ZNF407: variants seen among roughly 807,000 people sequenced by gnomAD.
The protein encoded by ZNF407 is zinc finger protein 407.
ZNF407 carries 17 observed loss-of-function variants against 131.2 expected under a neutral mutation model. The observed-to-expected ratio is 0.13, with a 90% confidence interval of 0.09 to 0.19. The LOEUF (loss-of-function observed/expected upper bound fraction) is 0.19, where lower values mean the gene tolerates loss of function less well. Among genes scored for constraint, ZNF407 ranks in the 10% least tolerant of loss-of-function variants. ZNF407 has a pLI of 1.00. For missense variants in ZNF407, 2,681 were observed against 2,830.6 expected, an observed-to-expected ratio of 0.95 and a Z score of 1.20; for synonymous variants, 1,156 against 1,062.0, an observed-to-expected ratio of 1.09 and a Z score of -1.72.
At chr18:74,684,696 A>G (rs1177101235) in intron 3 of ZNF407, among the ~76,000 whole-genome samples, 1 of 152,246 alleles carries the variant, frequency 6.6e-6, no homozygotes, top group Non-Finnish European at 1.5e-5. Context: ...AAAACTAAGG[A>G]GTAAACTGAC....
intron 4 of ZNF407, among the ~76,000 whole-genome samples, chr18:74,811,082 C>A (rs1226238592): frequency 6.6e-6 from 1 of 152,136 alleles, no homozygotes; most frequent in East Asian, 1.9e-4. Context: ...TCAGAGTGAA[C>A]AGGCAACCTA....
At chr18:75,050,438 G>A (rs1423689608) in intron 8 of ZNF407, among the ~76,000 whole-genome samples, 1 of 152,200 alleles carries the variant, frequency 6.6e-6, no homozygotes, top group African/African-American at 2.4e-5. Flanking sequence ...CAGAAGACAT[G>A]AGATTCCTGG....
intron 3 of ZNF407, among the ~76,000 whole-genome samples, chr18:74,760,358 T>C (rs1469029219): frequency 6.6e-6 from 1 of 152,196 alleles, no homozygotes; most frequent in African/African-American, 2.4e-5. Context: ...GATTATTACC[T>C]TTTCAGATTT....
At chr18:74,749,953 C>T (rs530424263) in intron 3 of ZNF407, among the ~76,000 whole-genome samples, 2 of 152,186 alleles carry the variant, frequency 1.3e-5, no homozygotes, top group South Asian at 2.1e-4. Flanking sequence ...TTTTCTAAGG[C>T]AGAAGAGAGG....
At chr18:74,856,682 T>C (rs1444496838) in intron 4 of ZNF407, among the ~76,000 whole-genome samples, 1 of 152,212 alleles carries the variant, frequency 6.6e-6, no homozygotes, top group African/African-American at 2.4e-5. Context: ...AAATTTTTCA[T>C]GAAGAGGTTT....
intron 8 of ZNF407, among the ~76,000 whole-genome samples, chr18:74,964,699 A>G (rs990339407): frequency 6.6e-6 from 1 of 150,724 alleles, no homozygotes; most frequent in Non-Finnish European, 1.5e-5. Context: ...CTTTTATTAC[A>G]TACATTTAAT....
At chr18:74,885,499 A>G (rs997526723) in intron 6 of ZNF407, among the ~76,000 whole-genome samples, 3 of 152,214 alleles carry the variant, frequency 2.0e-5, no homozygotes, top group African/African-American at 7.2e-5. Flanking sequence ...TAAAATTTAT[A>G]TGGAAATTCA....
In ZNF407 at chr18:74,634,054, C is replaced by T; in HGVS notation, c.3035C>T (p.Thr1012Ile). 1 of 1,614,044 alleles carries T rather than the reference C, an allele frequency of 6.2e-7. No individual in the cohort carries two copies. The highest frequency in any genetic ancestry group is 1.1e-5 in the South Asian group (1 of 91,078). ...PGDVYSQRDV[T>I]GTGENKCLHC... The stretch of plus-strand genomic sequence containing the variant: ...GATGTGTACTCCCAGAGAGATGTTA[C>T]AGGCACAGGTGAGAATAAGTGTTTG... The change falls in exon 2 of 9, where the codon ACA (threonine) becomes ATA (isoleucine). Residue 1012 changes from threonine (T) to isoleucine (I), a missense_variant. By Grantham distance (89) the Thr-to-Ile change is moderately conservative. This residue lies in a region of ZNF407 where 1,789 missense variants were observed against 1,748.7 expected (regional missense o/e 1.02). Transcript: ENST00000299687.
intron 8 of ZNF407, among the ~76,000 whole-genome samples, chr18:75,038,064 A>G (rs569919095): frequency 4.2e-4 from 64 of 152,368 alleles, no homozygotes; most frequent in African/African-American, 1.5e-3. Context: ...TCAAATCTTA[A>G]CAGAAAATCC....
At chr18:74,728,628 T>C (rs142066772) in intron 3 of ZNF407, among the ~76,000 whole-genome samples, 1 of 152,052 alleles carries the variant, frequency 6.6e-6, no homozygotes, top group Non-Finnish European at 1.5e-5. Flanking sequence ...GAGGGAGAGA[T>C]GTACAGGAAG....
chr18:74,835,579 T>C (rs1053546508), intron 4 of ZNF407, among the ~76,000 whole-genome samples: 10 of 151,718 alleles, frequency 6.6e-5, no homozygotes, highest in South Asian at 2.1e-4. Context: ...AGTAAACTTG[T>C]GGTAGAAGGA....
At chr18:74,736,714 G>A (rs140383980) in intron 3 of ZNF407, among the ~76,000 whole-genome samples, 128 of 152,244 alleles carry the variant, frequency 8.4e-4, no homozygotes, top group Non-Finnish European at 1.4e-3. Flanking sequence ...TGGAAAAGTT[G>A]TGGGGGTTAT....
At chr18:75,021,556 C>T (rs1309458377) in intron 8 of ZNF407, among the ~76,000 whole-genome samples, 1 of 152,086 alleles carries the variant, frequency 6.6e-6, no homozygotes, top group African/African-American at 2.4e-5. Context: ...AGGCATGAGC[C>T]GTCATGCCTG....
chr18:74,915,694 A>AGTGTGT (rs148897853), intron 7 of ZNF407, among the ~76,000 whole-genome samples: 1,052 of 5,834 alleles, frequency 0.18, 385 homozygotes, highest in Middle Eastern at 0.33. Flanking sequence ...TCGAATCGGG[A>AGTGTGT]GTGTGTGTGT....
Position 74,738,194 on chromosome 18 carries a change from G to A in ZNF407, c.4803-43234G>A, listed in dbSNP as rs1968462194. Among the ~76,000 whole-genome samples the A allele has an allele frequency of 3.9e-5, 6 of 152,108 alleles. No individual in the cohort carries two copies. In the South Asian group the frequency reaches 1.2e-3, roughly 32 times the overall value. On this transcript the variant is annotated intron_variant, in intron 3 of 8. Coordinates refer to ENST00000299687, the MANE Select transcript of ZNF407 (RefSeq NM_017757.3). ...CCCAGCACTTTGGGAGGCCGAGGCAGGCAGATCATGAAGTCAAGAGATTGA... is the reference window on the plus strand; with the variant it reads ...CCCAGCACTTTGGGAGGCCGAGGCAAGCAGATCATGAAGTCAAGAGATTGA...
chr18:75,051,183 A>G (rs1973496489), intron 8 of ZNF407, among the ~76,000 whole-genome samples: 2 of 152,166 alleles, frequency 1.3e-5, no homozygotes. Context: ...AACCCAAAGT[A>G]ACTTTCAAAT....
chr18:74,774,841 G>A (rs1296169771), intron 3 of ZNF407, among the ~76,000 whole-genome samples: 2 of 152,124 alleles, frequency 1.3e-5, no homozygotes, highest in African/African-American at 4.8e-5. Context: ...GTTGTGTGCT[G>A]AAGTTTTAGG....
intron 8 of ZNF407, chr18:75,060,252 A>C (rs1049985458): frequency 1.3e-5 from 2 of 152,232 alleles, no homozygotes; most frequent in Non-Finnish European, 2.9e-5. Context: ...ATAATTAGGG[A>C]ATTTGTTAAG....
chr18:74,999,809 C>T (rs1187692570), intron 8 of ZNF407, among the ~76,000 whole-genome samples: 2 of 152,120 alleles, frequency 1.3e-5, no homozygotes, highest in African/African-American at 2.4e-5. Context: ...AACATTGTCA[C>T]TTTATTTTGC....
Sources: gnomAD v4.1 joint callset for allele counts (sites outside exome capture counted in the v4.1 genomes callset) on GRCh38, gnomAD v4.1.1 for gene constraint, gnomAD v4.1.1 regional missense constraint, MANE v1.5 for transcripts, NCBI Gene and HGNC (gene_info 2026-07-23, HGNC 2026-07-21) for gene names.